Variants in ING5 observed in about 807,000 individuals in gnomAD.
ING5 encodes inhibitor of growth family member 5, also known as inhibitor of growth protein 5.
In ING5, 17 loss-of-function variants were observed where a neutral mutation model predicts 37.4. That is an observed-to-expected ratio of 0.45 (90% confidence interval 0.31 to 0.68). ING5 has a LOEUF of 0.68. ING5 is among the 30% of genes least tolerant of loss of function. ING5 has a pLI of 0.05. For missense variants in ING5, 233 were observed against 311.9 expected, an observed-to-expected ratio of 0.75 and a Z score of 1.91; for synonymous variants, 123 against 116.6, an observed-to-expected ratio of 1.06 and a Z score of -0.36.
exon 1 of ING5, chr2:241,687,899 A>T (rs1032289299): frequency 6.6e-6 from 1 of 152,234 alleles, no homozygotes; most frequent in African/African-American, 2.4e-5. Flanking sequence ...TCCTCTTTCC[A>T]TGCCTCCAAC....
chr2:241,725,349 T>G lies in ING5; in HGVS notation c.*318T>G. On this transcript the variant is annotated 3_prime_UTR_variant, in exon 8 of 8. Coordinates refer to ENST00000313552, the MANE Select transcript of ING5 (RefSeq NM_032329.6). Reference sequence around the variant, plus strand: ...GCCGGGCGTGCGGGCGGGGACATGGTAACCTGGTCCACGGAGGGCGGCCGC... The same window carrying G: ...GCCGGGCGTGCGGGCGGGGACATGGGAACCTGGTCCACGGAGGGCGGCCGC... 2.7e-6 allele frequency: 1 copy of G among 369,558 alleles called. No homozygotes were observed. The allele number at this position is 369,558 out of a possible 1,614,324, so 22.9% of individuals were successfully genotyped here. A position where few individuals can be genotyped will look rare whatever the true frequency, so the allele number is the denominator to read the frequency against.
chr2:241,694,540 G>A (rs1223093664), intron 2 of ING5, among the ~76,000 whole-genome samples: 1 of 152,042 alleles, frequency 6.6e-6, no homozygotes, highest in East Asian at 1.9e-4. Flanking sequence ...CACTTAAAAT[G>A]AAATAAATGT....
chr2:241,723,893 C>A, intron 7 of ING5: 1 of 1,403,278 alleles, frequency 7.1e-7, no homozygotes, highest in Non-Finnish European at 9.9e-7. Context: ...GCCTGTGGTC[C>A]CAACTACCTG....
chr2:241,716,920 G>T (rs540602624), intron 5 of ING5, among the ~76,000 whole-genome samples: 1 of 152,150 alleles, frequency 6.6e-6, no homozygotes. Context: ...ATTTCATTTA[G>T]ATAGGAGGAA....
At position 241,726,953 on chromosome 2, in the gene ING5, G is replaced by C. The variant is rs1025428615; in HGVS notation, c.*1922G>C. The stretch of plus-strand genomic sequence containing the variant: ...TGGGACTACAGGCGCCCGCCACCAC[G>C]CCTGGCTAATTTTTTATATTTTTAG... On this transcript the variant is annotated 3_prime_UTR_variant, in exon 8 of 8. Coordinates refer to ENST00000313552, the MANE Select transcript of ING5 (RefSeq NM_032329.6). 2 of 152,164 alleles carry C rather than the reference G, an allele frequency of 1.3e-5. No individual in the cohort carries two copies. The highest frequency in any genetic ancestry group is 4.8e-5 in the African/African-American group (2 of 41,436). 9.4% of individuals were successfully genotyped at this position (152,164 alleles called of 1,614,324 possible). A position where few individuals can be genotyped will look rare whatever the true frequency, so the allele number is the denominator to read the frequency against.
At chr2:241,723,733 T>C in intron 7 of ING5, 1 of 1,595,776 alleles carries the variant, frequency 6.3e-7, no homozygotes, top group Non-Finnish European at 8.5e-7. Context: ...GTGTGTTTTC[T>C]CTACCTGACC....
chr2:241,728,635 A>G lies in ING5; in HGVS notation c.*3604A>G, dbSNP rs7591047. ...TGCTGCTGCTGGGGACATGGATGCC[A>G]AGCGGAGGCCTGCGTGGCCTCCTGA... On this transcript the variant is annotated 3_prime_UTR_variant, in exon 8 of 8. Transcript: ENST00000313552. 104,291 of 152,284 alleles carry G rather than the reference A, an allele frequency of 0.68. 36,922 individuals are homozygous for G. Among genetic ancestry groups the G allele is most frequent in the African/African-American group, 0.87 (36,207 of 41,480 alleles). 9.4% of individuals were successfully genotyped at this position (152,284 alleles called of 1,614,324 possible).
chr2:241,708,175 C>A (rs1035578117), intron 2 of ING5, among the ~76,000 whole-genome samples: 1 of 151,888 alleles, frequency 6.6e-6, no homozygotes, highest in South Asian at 2.1e-4. Flanking sequence ...GGATCACAGG[C>A]GTGAGCCGCC....
In ING5 at chr2:241,696,173, C is replaced by T. The variant is rs144041220; in HGVS notation, c.43+5520C>T. On this transcript the variant is annotated intron_variant, in intron 2 of 7. Transcript: ENST00000636051. Reference sequence around the variant, plus strand: ...TTGGAAGGCCGAGGCGGGCAGATCACGAGGTGAGGAGTTCGAGACCAGCCT... The same window carrying T: ...TTGGAAGGCCGAGGCGGGCAGATCATGAGGTGAGGAGTTCGAGACCAGCCT... Among the ~76,000 whole-genome samples, 1,153 of 152,168 alleles carry T rather than the reference C, an allele frequency of 7.6e-3. 14 individuals carry two copies. Among genetic ancestry groups the T allele is most frequent in the African/African-American group, 0.026 (1,098 of 41,506 alleles).
At chr2:241,709,455 A>T in intron 3 of ING5, 73 bp downstream of exon 3, 1 of 1,455,652 alleles carries the variant, frequency 6.9e-7, no homozygotes, top group Non-Finnish European at 9.3e-7. Flanking sequence ...AAATGTAAAA[A>T]CTGCCCGGAA....
At chr2:241,697,792 T>C (rs1290519642), upstream of ING5, among the ~76,000 whole-genome samples, 3 of 152,074 alleles carry the variant, frequency 2.0e-5, no homozygotes, top group African/African-American at 7.2e-5. Context: ...CCTATAAGAA[T>C]GCACAAGGCA....
chr2:241,709,120 C>T (rs2070021140), intron 2 of ING5, 96 bp from the exon 3 acceptor site: 1 of 1,346,288 alleles, frequency 7.4e-7, no homozygotes, highest in East Asian at 2.3e-5. Flanking sequence ...ACATCTTTGC[C>T]ACAACTTGGC....
intron 5 of ING5, chr2:241,721,906 C>T (rs142497237): frequency 0.037 from 36,461 of 985,574 alleles, 786 homozygotes; most frequent in Non-Finnish European, 0.042. Flanking sequence ...GAGGCATAGA[C>T]GGGGTGGAAC....
chr2:241,724,144 G>C, intron 7 of ING5: 1 of 1,019,700 alleles, frequency 9.8e-7, no homozygotes, highest in Non-Finnish European at 1.2e-6. Context: ...GTGGCAGCGT[G>C]TTTGAAACTC....
At chr2:241,723,394 T>C in intron 7 of ING5, 123 bp downstream of exon 7, 3 of 1,049,728 alleles carry the variant, frequency 2.9e-6, no homozygotes, top group Non-Finnish European at 4.4e-6. Context: ...GGTAGCCACG[T>C]AGGCATGCCC....
chr2:241,699,122 T>G (rs1311890638), upstream of ING5, among the ~76,000 whole-genome samples: 2 of 151,932 alleles, frequency 1.3e-5, no homozygotes, highest in African/African-American at 4.8e-5. Context: ...CCTCCTAGGT[T>G]CAAATGATTC....
At position 241,718,572 on chromosome 2, in the gene ING5, T is replaced by G. The variant is rs560496536; in HGVS notation, c.483-4367T>G. On this transcript the variant is annotated intron_variant, in intron 5 of 7. Coordinates refer to ENST00000313552, the MANE Select transcript of ING5 (RefSeq NM_032329.6). ...CTGGAATTACAGGCACGTGCCACCATGACTGGCTAATTTTGTATTTTTAGT... is the reference window on the plus strand; with the variant it reads ...CTGGAATTACAGGCACGTGCCACCAGGACTGGCTAATTTTGTATTTTTAGT... Among the ~76,000 whole-genome samples the G allele has an allele frequency of 1.3e-3, 195 of 151,958 alleles. 1 individual carries two copies. Among genetic ancestry groups the G allele is most frequent in the African/African-American group, 4.0e-3 (164 of 41,452 alleles).
intron 4 of ING5, 150 bp downstream of exon 4, chr2:241,711,638 C>A (rs1314500619): frequency 1.6e-6 from 1 of 642,004 alleles, no homozygotes; most frequent in Non-Finnish European, 2.6e-6. Context: ...TGGTGGCTTA[C>A]GCCTGTAACC....
chr2:241,706,788 C>T (rs1011965566), intron 2 of ING5, among the ~76,000 whole-genome samples: 15 of 152,082 alleles, frequency 9.9e-5, no homozygotes, highest in Non-Finnish European at 1.8e-4. Flanking sequence ...ACATTGCTGC[C>T]TTGTCTCCTA....
Sources: allele counts gnomAD v4.1 joint callset (sites outside exome capture counted in the v4.1 genomes callset), GRCh38; gene constraint gnomAD v4.1.1; transcripts MANE v1.5; gene names NCBI Gene and HGNC (gene_info 2026-07-23, HGNC 2026-07-21).